The following CDH8 variants were observed in gnomAD, a reference collection of about 807,000 sequenced individuals.
The protein encoded by CDH8 is cadherin-8.
In CDH8, 17 loss-of-function variants were observed where a neutral mutation model predicts 68.1. The ratio of observed to expected loss-of-function variants is 0.25; its 90% CI spans 0.17 to 0.37. CDH8 has a LOEUF of 0.37. Ranked by LOEUF, CDH8 falls within the 10% of genes least tolerant of loss-of-function variation. The probability of loss-of-function intolerance (pLI) is 1.00; values close to 1 mark genes in which losing one functional copy is unlikely to be tolerated. For missense variants in CDH8, 763 were observed against 999.3 expected (o/e 0.76, Z 3.19); for synonymous variants, 372 against 365.1 (o/e 1.02, Z -0.21).
intron 2 of CDH8, among the ~76,000 whole-genome samples, chr16:61,994,761 TC>T (rs11352324): frequency 0.77 from 117,699 of 152,050 alleles, 46,227 homozygotes; most frequent in East Asian, 1. Context: ...TAACAAATCC[TC>T]CTACATGATT....
intron 4 of CDH8, among the ~76,000 whole-genome samples, chr16:61,849,266 C>T (rs140128202): frequency 6.2e-4 from 94 of 151,792 alleles, no homozygotes; most frequent in African/African-American, 2.1e-3. Flanking sequence ...ACCTGTCTCC[C>T]GCCTGTCTTC....
rs1902191888 is a variant in CDH8 at position 62,026,049 on chromosome 16, G to A, written c.-199-4447C>T. On this transcript the variant is annotated intron_variant, in intron 1 of 11. Transcript: ENST00000577390. ...AAAGAAAGACCAGCAATAGTTAGAG[G>A]CAGACTGGTTAATATTTAATAAGTG... Among the ~76,000 whole-genome samples, 3 of 152,136 alleles carry A rather than the reference G, an allele frequency of 2.0e-5. No homozygotes were observed. The South Asian group carries it at 6.2e-4, about 32-fold the overall frequency.
chr16:62,017,054 T>C (rs1374572432), intron 2 of CDH8, among the ~76,000 whole-genome samples: 1 of 152,188 alleles, frequency 6.6e-6, no homozygotes, highest in Non-Finnish European at 1.5e-5. Context: ...TATTGAAAAA[T>C]GCCACTGAGC....
chr16:61,850,736 T>C (rs1210490480), intron 4 of CDH8, among the ~76,000 whole-genome samples: 3 of 152,056 alleles, frequency 2.0e-5, no homozygotes. Context: ...CACATTTTCA[T>C]TTCTTAAACT....
At chr16:61,909,368 A>C (rs1406030761) in intron 2 of CDH8, among the ~76,000 whole-genome samples, 4 of 152,206 alleles carry the variant, frequency 2.6e-5, no homozygotes, top group Non-Finnish European at 4.4e-5. Flanking sequence ...CCACAAGTGC[A>C]AGCCCTCTAT....
At chr16:61,969,003 A>G (rs577356328) in intron 2 of CDH8, among the ~76,000 whole-genome samples, 2 of 152,370 alleles carry the variant, frequency 1.3e-5, no homozygotes, top group East Asian at 3.9e-4. Flanking sequence ...CTCAGAGTCC[A>G]AGATTCTTGA....
intron 7 of CDH8, among the ~76,000 whole-genome samples, chr16:61,803,319 C>G (rs1220627349): frequency 7.5e-6 from 1 of 133,848 alleles, no homozygotes; most frequent in Non-Finnish European, 1.6e-5. Flanking sequence ...GAAGGAAGCG[C>G]TAAACATGGA....
chr16:61,939,684 CTATAA>C (rs1220706661), intron 2 of CDH8, among the ~76,000 whole-genome samples: 2 of 152,104 alleles, frequency 1.3e-5, no homozygotes, highest in Admixed American at 1.3e-4. Flanking sequence ...ATACCAAGCC[CTATAA>C]TAATCTGAAA....
intron 8 of CDH8, among the ~76,000 whole-genome samples, chr16:61,766,556 A>G (rs773204103): frequency 3.5e-4 from 53 of 152,042 alleles, no homozygotes; most frequent in Non-Finnish European, 6.3e-4. Flanking sequence ...TCTTTGAGAA[A>G]TCTCCATATT....
chr16:61,886,092 G>GGATTTAAC (rs1287319750), intron 3 of CDH8, among the ~76,000 whole-genome samples: 4 of 152,134 alleles, frequency 2.6e-5, no homozygotes, highest in African/African-American at 9.7e-5. Context: ...ACTTTCCCAA[G>GGATTTAAC]GATTTAACGT....
chr16:62,001,888 G>A (rs1965900007), intron 2 of CDH8, among the ~76,000 whole-genome samples: 2 of 152,084 alleles, frequency 1.3e-5, no homozygotes, highest in Admixed American at 1.3e-4. Flanking sequence ...GGATAATGTA[G>A]GTGAACTGGT....
At chr16:61,976,915 A>G (rs980403327) in intron 2 of CDH8, among the ~76,000 whole-genome samples, 3 of 152,196 alleles carry the variant, frequency 2.0e-5, no homozygotes, top group African/African-American at 7.2e-5. Flanking sequence ...AAAAATGCAC[A>G]TTAATCCATT....
At chr16:61,684,221 T>C (rs532097344) in intron 10 of CDH8, among the ~76,000 whole-genome samples, 45 of 152,158 alleles carry the variant, frequency 3.0e-4, no homozygotes, top group African/African-American at 1.0e-3. Flanking sequence ...TATGTTCTTA[T>C]CTTTCTGAGG....
intron 8 of CDH8, among the ~76,000 whole-genome samples, chr16:61,732,029 G>T (rs1394473919): frequency 6.6e-6 from 1 of 151,200 alleles, no homozygotes; most frequent in Non-Finnish European, 1.5e-5. Context: ...ATTGGCAGAA[G>T]AAAGAATTAC....
chr16:61,677,257 G>A (rs186138361), intron 10 of CDH8, among the ~76,000 whole-genome samples: 27 of 150,278 alleles, frequency 1.8e-4, no homozygotes, highest in Admixed American at 1.4e-3. Context: ...ACATAATCTC[G>A]TATGGCTGAT....
chr16:61,970,651 C>T (rs1408707131), intron 2 of CDH8, among the ~76,000 whole-genome samples: 2 of 152,168 alleles, frequency 1.3e-5, no homozygotes, highest in African/African-American at 4.8e-5. Context: ...CCACCCCAAA[C>T]AAGCAATCAA....
At chr16:61,666,051 GTC>G (rs1963669977) in intron 10 of CDH8, among the ~76,000 whole-genome samples, 1 of 151,710 alleles carries the variant, frequency 6.6e-6, no homozygotes, top group African/African-American at 2.4e-5. Flanking sequence ...ATCTTTCTCT[GTC>G]CCTCTCAGTC....
At chr16:61,853,388 C>T (rs1385440346) in intron 4 of CDH8, among the ~76,000 whole-genome samples, 1 of 152,036 alleles carries the variant, frequency 6.6e-6, no homozygotes, top group African/African-American at 2.4e-5. Flanking sequence ...AATATGATAA[C>T]AGCAAAGAAG....
At chr16:61,827,728 C>T (rs1464181524) in intron 4 of CDH8, among the ~76,000 whole-genome samples, 2 of 151,738 alleles carry the variant, frequency 1.3e-5, no homozygotes, top group African/African-American at 4.8e-5. Flanking sequence ...TACCCTCCCC[C>T]ATTGAGGTAA....
Sources: gnomAD v4.1 joint callset for allele counts (sites outside exome capture counted in the v4.1 genomes callset) on GRCh38, gnomAD v4.1.1 for gene constraint, MANE v1.5 for transcripts, NCBI Gene and HGNC (gene_info 2026-07-23, HGNC 2026-07-21) for gene names.